ITFG1: variants seen among roughly 807,000 people sequenced by gnomAD.
The protein encoded by ITFG1 is integrin alpha FG-GAP repeat containing 1, also known as T-cell immunomodulatory protein.
Under a neutral mutation model 81.8 loss-of-function variants are expected in ITFG1, and 34 were observed. That is an observed-to-expected ratio of 0.42 (90% confidence interval 0.32 to 0.55). The LOEUF (loss-of-function observed/expected upper bound fraction) is 0.55, where lower values mean the gene tolerates loss of function less well. ITFG1 is among the 20% of genes least tolerant of loss of function. The probability of loss-of-function intolerance (pLI) is 0.17; values close to 1 mark genes in which losing one functional copy is unlikely to be tolerated. For synonymous variants in ITFG1, 285 were observed against 270.6 expected, an observed-to-expected ratio of 1.05 and a Z score of -0.52; for missense variants, 672 against 755.4, an observed-to-expected ratio of 0.89 and a Z score of 1.29.
chr16:47,416,995 T>C (rs1324019087), intron 6 of ITFG1, among the ~76,000 whole-genome samples: 1 of 152,224 alleles, frequency 6.6e-6, no homozygotes, highest in Admixed American at 6.5e-5. Context: ...TGCTACATAG[T>C]AGTTCATAAC....
At chr16:47,386,578 G>C (rs1208108798) in intron 6 of ITFG1, among the ~76,000 whole-genome samples, 2 of 152,254 alleles carry the variant, frequency 1.3e-5, no homozygotes, top group South Asian at 2.1e-4. Context: ...AGCACACTAA[G>C]AATGGCAGGG....
At chr16:47,406,133 T>A (rs1365584259) in intron 6 of ITFG1, among the ~76,000 whole-genome samples, 1 of 152,246 alleles carries the variant, frequency 6.6e-6, no homozygotes, top group Non-Finnish European at 1.5e-5. Flanking sequence ...TCTTTGCTGA[T>A]AAAGATCAAC....
At chr16:47,313,671 A>T (rs886234756) in intron 9 of ITFG1, 58 bp downstream of exon 9, 1 of 900,842 alleles carries the variant, frequency 1.1e-6, no homozygotes, top group Non-Finnish European at 1.7e-6. Flanking sequence ...CTAACCTTAG[A>T]AGATTTTTTT....
intron 6 of ITFG1, among the ~76,000 whole-genome samples, chr16:47,425,192 G>C (rs1333946486): frequency 6.6e-6 from 1 of 152,184 alleles, no homozygotes; most frequent in Non-Finnish European, 1.5e-5. Context: ...ATCGCAGGTT[G>C]ATCTCAGACT....
chr16:47,340,927 A>G (rs1213064833), intron 8 of ITFG1, among the ~76,000 whole-genome samples: 1 of 152,226 alleles, frequency 6.6e-6, no homozygotes, highest in Non-Finnish European at 1.5e-5. Context: ...ACAATTCACC[A>G]AGAAGATATA....
At chr16:47,254,429 A>C (rs940662048) in intron 12 of ITFG1, among the ~76,000 whole-genome samples, 1 of 152,084 alleles carries the variant, frequency 6.6e-6, no homozygotes, top group Non-Finnish European at 1.5e-5. Context: ...GGAATATCTT[A>C]TCAATGTTAC....
At chr16:47,347,831 C>T (rs1419202432) in intron 8 of ITFG1, among the ~76,000 whole-genome samples, 1 of 152,180 alleles carries the variant, frequency 6.6e-6, no homozygotes, top group African/African-American at 2.4e-5. Context: ...GGCCGGGTAC[C>T]CCTCTGAGAC....
chr16:47,410,331 T>G (rs1468186925), intron 6 of ITFG1, among the ~76,000 whole-genome samples: 2 of 151,980 alleles, frequency 1.3e-5, no homozygotes, highest in Admixed American at 1.3e-4. Context: ...AAATAAGCAA[T>G]TCCAAGAAAA....
At chr16:47,459,238 T>C in intron 1 of ITFG1, 63 bp from the exon 2 acceptor site, 1 of 1,094,392 alleles carries the variant, frequency 9.1e-7, no homozygotes, top group Non-Finnish European at 1.4e-6. Context: ...AATCAGTGGT[T>C]ACAAGAAGGT....
chr16:47,171,778 T>C (rs1161725364), intron 14 of ITFG1, among the ~76,000 whole-genome samples: 4 of 152,228 alleles, frequency 2.6e-5, no homozygotes, highest in Admixed American at 2.0e-4. Context: ...ATATATGTCT[T>C]ATCTTCCTTA....
At chr16:47,242,725 C>T (rs953012948) in intron 12 of ITFG1, among the ~76,000 whole-genome samples, 3 of 151,850 alleles carry the variant, frequency 2.0e-5, no homozygotes, top group Non-Finnish European at 4.4e-5. Flanking sequence ...TACTGTAGGT[C>T]GAAGTAGAAA....
intron 14 of ITFG1, among the ~76,000 whole-genome samples, chr16:47,198,180 T>C (rs749608545): frequency 2.0e-5 from 3 of 152,204 alleles, no homozygotes; most frequent in Non-Finnish European, 4.4e-5. Context: ...GAAACAATTA[T>C]AGGATGAGTA....
chr16:47,397,920 T>A (rs1043624578), intron 6 of ITFG1, among the ~76,000 whole-genome samples: 4 of 152,210 alleles, frequency 2.6e-5, no homozygotes, highest in Non-Finnish European at 5.9e-5. Flanking sequence ...CAAATCAATG[T>A]TACAATATCA....
At chr16:47,432,258 T>G (rs376193095) in intron 5 of ITFG1, among the ~76,000 whole-genome samples, 16 of 152,186 alleles carry the variant, frequency 1.1e-4, no homozygotes, top group East Asian at 7.7e-4. Context: ...ACCACAGATA[T>G]GTCATCTCCA....
chr16:47,397,234 A>C (rs983021938), intron 6 of ITFG1, among the ~76,000 whole-genome samples: 11 of 152,154 alleles, frequency 7.2e-5, no homozygotes, highest in African/African-American at 2.4e-4. Flanking sequence ...ACTCTGTGAA[A>C]AGAAGCAAGA....
chr16:47,445,356 A>G (rs1295105751), intron 5 of ITFG1, among the ~76,000 whole-genome samples: 1 of 152,078 alleles, frequency 6.6e-6, no homozygotes, highest in Non-Finnish European at 1.5e-5. Context: ...TAAGGAAGAC[A>G]GCATTCTCAT....
At chr16:47,175,616 C>A (rs1240314762) in intron 14 of ITFG1, among the ~76,000 whole-genome samples, 1 of 152,164 alleles carries the variant, frequency 6.6e-6, no homozygotes, top group Non-Finnish European at 1.5e-5. Context: ...CAAGGAGCAA[C>A]CTCTCCAATG....
intron 6 of ITFG1, among the ~76,000 whole-genome samples, chr16:47,384,773 T>C (rs1331946172): frequency 6.6e-6 from 1 of 152,182 alleles, no homozygotes; most frequent in Non-Finnish European, 1.5e-5. Context: ...CAACTAGGTA[T>C]TGGAGAGATA....
intron 12 of ITFG1, among the ~76,000 whole-genome samples, chr16:47,253,921 C>T (rs1966110114): frequency 6.6e-6 from 1 of 151,958 alleles, no homozygotes; most frequent in South Asian, 2.1e-4. Context: ...TTAGGGTGTG[C>T]TTTAACAATA....
Sources: allele counts gnomAD v4.1 joint callset (sites outside exome capture counted in the v4.1 genomes callset), GRCh38; gene constraint gnomAD v4.1.1; transcripts MANE v1.5; gene names NCBI Gene and HGNC (gene_info 2026-07-23, HGNC 2026-07-21).